The following NKAIN3 variants were observed in gnomAD, a reference collection of about 807,000 sequenced individuals.
NKAIN3 encodes the protein sodium/potassium-transporting ATPase subunit beta-1-interacting protein 3.
NKAIN3 carries 25 observed loss-of-function variants against 30.2 expected under a neutral mutation model. The observed-to-expected ratio is 0.83, with a 90% CI of 0.60 to 1.16. The LOEUF (loss-of-function observed/expected upper bound fraction) is 1.16, where lower values mean the gene tolerates loss of function less well. Ranked by LOEUF, NKAIN3 falls within the 50% of genes most tolerant of loss-of-function variation. The probability of loss-of-function intolerance (pLI) is 0.00; values close to 1 mark genes in which losing one functional copy is unlikely to be tolerated. For synonymous variants in NKAIN3, 91 were observed against 89.6 expected (o/e 1.02, Z -0.09); for missense variants, 225 against 254.1 (o/e 0.89, Z 0.78).
intron 4 of NKAIN3, among the ~76,000 whole-genome samples, chr8:62,912,584 A>AT (rs774562886): frequency 1.6e-4 from 25 of 152,030 alleles, no homozygotes; most frequent in East Asian, 1.2e-3. Flanking sequence ...TTTTCTATTA[A>AT]TTTTTTTTAA....
chr8:62,808,099 T>C (rs1425940929), intron 4 of NKAIN3, among the ~76,000 whole-genome samples: 1 of 152,196 alleles, frequency 6.6e-6, no homozygotes, highest in East Asian at 1.9e-4. Flanking sequence ...TAATTTTGTC[T>C]AGTTTTTAGG....
intron 4 of NKAIN3, among the ~76,000 whole-genome samples, chr8:62,827,997 G>A (rs933594806): frequency 5.3e-5 from 8 of 152,006 alleles, no homozygotes; most frequent in African/African-American, 1.7e-4. Context: ...TGACAGCTGG[G>A]AGCTAGAAAC....
At chr8:62,591,772 C>T (rs1258676832) in intron 3 of NKAIN3, among the ~76,000 whole-genome samples, 1 of 151,988 alleles carries the variant, frequency 6.6e-6, no homozygotes, top group East Asian at 1.9e-4. Context: ...TATTTACTGC[C>T]TCAAAGACTG....
chr8:62,895,437 G>A (rs1821403104), intron 4 of NKAIN3, among the ~76,000 whole-genome samples: 1 of 152,312 alleles, frequency 6.6e-6, no homozygotes, highest in South Asian at 2.1e-4. Context: ...TAGAAATGCA[G>A]AATCTCAGCT....
At chr8:62,559,714 T>C (rs182571124) in intron 1 of NKAIN3, among the ~76,000 whole-genome samples, 1 of 152,086 alleles carries the variant, frequency 6.6e-6, no homozygotes, top group Admixed American at 6.6e-5. Context: ...ATTTTTATAA[T>C]ATAATTGTTT....
intron 1 of NKAIN3, among the ~76,000 whole-genome samples, chr8:62,279,248 G>T (rs181721525): frequency 6.6e-6 from 1 of 152,080 alleles, no homozygotes; most frequent in Non-Finnish European, 1.5e-5. Flanking sequence ...ATTTGTTTGC[G>T]TTCTTTGTAG....
chr8:62,486,042 A>T (rs1453686572), intron 1 of NKAIN3, among the ~76,000 whole-genome samples: 2 of 152,196 alleles, frequency 1.3e-5, no homozygotes, highest in African/African-American at 4.8e-5. Flanking sequence ...TAGAGATAAA[A>T]GAAAATGTGG....
chr8:62,303,931 C>T (rs915089701), intron 1 of NKAIN3, among the ~76,000 whole-genome samples: 9 of 150,596 alleles, frequency 6.0e-5, no homozygotes, highest in African/African-American at 2.2e-4. Flanking sequence ...TAATCTTCTA[C>T]ATCTAATTTC....
intron 1 of NKAIN3, among the ~76,000 whole-genome samples, chr8:62,370,926 T>C (rs1816887673): frequency 1.3e-5 from 2 of 151,984 alleles, no homozygotes; most frequent in South Asian, 4.1e-4. Context: ...ATCAAGTCTA[T>C]ATGAGCCTTC....
At chr8:62,317,455 A>G (rs1310254875) in intron 1 of NKAIN3, among the ~76,000 whole-genome samples, 1 of 152,170 alleles carries the variant, frequency 6.6e-6, no homozygotes, top group African/African-American at 2.4e-5. Flanking sequence ...TTTTTGTATA[A>G]GGTGTGAGGA....
At chr8:62,481,480 T>A (rs1159278060) in intron 1 of NKAIN3, among the ~76,000 whole-genome samples, 2 of 152,184 alleles carry the variant, frequency 1.3e-5, no homozygotes, top group Admixed American at 1.3e-4. Flanking sequence ...ATCTATTTAT[T>A]TGTGTTATCC....
intron 3 of NKAIN3, among the ~76,000 whole-genome samples, chr8:62,592,961 A>G (rs1810702790): frequency 1.3e-5 from 2 of 152,002 alleles, no homozygotes; most frequent in Admixed American, 6.6e-5. Flanking sequence ...AAAACTGGCA[A>G]TATTAAAGGG....
chr8:62,631,855 C>T (rs1056055093), intron 3 of NKAIN3, among the ~76,000 whole-genome samples: 7 of 152,162 alleles, frequency 4.6e-5, no homozygotes, highest in African/African-American at 1.7e-4. Flanking sequence ...GCTCATGCCT[C>T]GTTTGAAAGT....
intron 1 of NKAIN3, among the ~76,000 whole-genome samples, chr8:62,360,335 G>A (rs952781522): frequency 6.6e-6 from 1 of 152,186 alleles, no homozygotes; most frequent in African/African-American, 2.4e-5. Flanking sequence ...TAACCAGGAA[G>A]GTTTGTTAAA....
At chr8:62,833,834 C>T (rs1819272811) in intron 4 of NKAIN3, among the ~76,000 whole-genome samples, 1 of 151,942 alleles carries the variant, frequency 6.6e-6, no homozygotes, top group South Asian at 2.1e-4. Context: ...ATAAAGCCAG[C>T]ATTACCCTGA....
rs186464607 is a variant in NKAIN3 at position 62,788,116 on chromosome 8, G to A, written c.471+40987G>A. On this transcript the variant is annotated intron_variant, in intron 4 of 6. Transcript: ENST00000623646. ...TAGATCCCTGAGGAATCGCCACACC[G>A]ACTTCCACAAAGGTTGAACTAGTTT... is the stretch of plus-strand genomic sequence containing the variant. 8.2e-3 allele frequency among the ~76,000 whole-genome samples: 1,244 copies of A among 152,254 alleles called. 17 individuals are homozygous for A. Among genetic ancestry groups the A allele is most frequent in the African/African-American group, 0.027 (1,130 of 41,552 alleles).
chr8:62,984,432 G>A lies in NKAIN3; in HGVS notation c.*19025G>A, dbSNP rs948004265. On this transcript the variant is annotated 3_prime_UTR_variant, in exon 7 of 7. Transcript: ENST00000623646. ...TCAATCTTCAAATAATTCTTAGATTGCTTGCCAGCAAAGATGTCTCTTGAT... is the reference window on the plus strand; with the variant it reads ...TCAATCTTCAAATAATTCTTAGATTACTTGCCAGCAAAGATGTCTCTTGAT... 4.6e-5 allele frequency: 7 copies of A among 151,824 alleles called. No individual in the cohort carries two copies. The highest frequency in any genetic ancestry group is 4.6e-4 in the Admixed American group (7 of 15,234). 9.4% of individuals were successfully genotyped at this position (151,824 alleles called of 1,614,324 possible).
chr8:62,690,119 G>C (rs1346735257), intron 3 of NKAIN3, among the ~76,000 whole-genome samples: 2 of 152,160 alleles, frequency 1.3e-5, no homozygotes, highest in Non-Finnish European at 2.9e-5. Flanking sequence ...AGAAGAGCCA[G>C]TGGGACTGCG....
chr8:62,413,917 T>G lies in NKAIN3; in HGVS notation c.54+164790T>G, dbSNP rs560387599. 4.6e-5 allele frequency among the ~76,000 whole-genome samples: 7 copies of G among 152,280 alleles called. No individual in the cohort carries two copies. The South Asian group carries it at 1.4e-3, about 32-fold the overall frequency. On this transcript the variant is annotated intron_variant, in intron 1 of 6. Transcript: ENST00000623646. The stretch of plus-strand genomic sequence containing the variant: ...AAAGCCTTATGTGATTTTGTTTTTT[T>G]AAACTGTTTCTCATTAATATTAGAC...
Sources: gnomAD v4.1 joint callset for allele counts (sites outside exome capture counted in the v4.1 genomes callset) on GRCh38, gnomAD v4.1.1 for gene constraint, MANE v1.5 for transcripts, NCBI Gene and HGNC (gene_info 2026-07-23, HGNC 2026-07-21) for gene names.